IGSF3: variants seen among roughly 807,000 people sequenced by gnomAD.
IGSF3 encodes the protein glu-Trp-Ile EWI motif-containing protein 3.
A neutral mutation model predicts 114.4 loss-of-function variants in IGSF3; 23 were observed. The observed-to-expected ratio is 0.20, with a 90% CI of 0.14 to 0.28. IGSF3 has a LOEUF of 0.28. IGSF3 is among the 10% of genes least tolerant of loss of function. The pLI, the probability that IGSF3 is intolerant of heterozygous loss-of-function variation, is 1.00. For synonymous variants in IGSF3, 571 were observed against 645.2 expected (o/e 0.88, Z 1.74); for missense variants, 1,172 against 1,591.5 (o/e 0.74, Z 4.48).
intron 5 of IGSF3, among the ~76,000 whole-genome samples, chr1:116,604,552 A>C (rs1447900403): frequency 2.6e-5 from 4 of 152,246 alleles, no homozygotes; most frequent in Non-Finnish European, 4.4e-5. Flanking sequence ...AAGTATTGGG[A>C]CGATAACGTG....
At chr1:116,623,794 T>C (rs1487778515) in intron 2 of IGSF3, among the ~76,000 whole-genome samples, 1 of 147,656 alleles carries the variant, frequency 6.8e-6, no homozygotes, top group Non-Finnish European at 1.5e-5. Context: ...TCATCAAAAA[T>C]GTCCCTTGAG....
In IGSF3 at chr1:116,577,509, A is replaced by C. The variant is rs371781975; in HGVS notation, c.3388T>G (p.Phe1130Val). The C allele has an allele frequency of 5.0e-5, 80 of 1,614,032 alleles. No individual in the cohort carries two copies. The highest frequency in any genetic ancestry group is 1.3e-4 in the Admixed American group (8 of 60,006). Residue 1130 changes from phenylalanine to valine, a missense_variant, in exon 11 of 11, where the codon TTC becomes GTC. Phe to Val is a conservative substitution (Grantham distance 50, BLOSUM62 -1). Around this residue, in one of 3 missense-constraint regions of IGSF3, gnomAD observed 423 missense variants for 509.8 expected, o/e 0.83. Transcript: ENST00000369486. The surrounding 1 kb of genome is among the most constrained non-coding windows in gnomAD (Gnocchi z 5.7). ...CSNDALFYFV[F>V]FYPFPIFGIL... ...CCAAAGATGGGGAAAGGGTAGAAGAAGACGAAGTAGAAGAGTGCGTCGTTG... is the reference window on the plus strand; with the variant it reads ...CCAAAGATGGGGAAAGGGTAGAAGACGACGAAGTAGAAGAGTGCGTCGTTG...
At chr1:116,590,858 T>C (rs1477376473) in intron 7 of IGSF3, among the ~76,000 whole-genome samples, 1 of 152,082 alleles carries the variant, frequency 6.6e-6, no homozygotes, top group African/African-American at 2.4e-5. Context: ...GATGGAAGGA[T>C]TTAGCAAGCC....
chr1:116,598,402 A>T lies in IGSF3; in HGVS notation c.2029+1539T>A, dbSNP rs1238951936. Among the ~76,000 whole-genome samples, 1 of 152,230 alleles carries T rather than the reference A, an allele frequency of 6.6e-6. No homozygotes were observed. The highest frequency in any genetic ancestry group is 1.5e-5 in the Non-Finnish European group (1 of 68,040). ...CATTAACCTGAAAATCCATTTAAGC[A>T]AAACAGCCTCTTCCCTGAGCCTCTT... On this transcript the variant is annotated intron_variant, in intron 7 of 10. Coordinates refer to ENST00000369486, the MANE Select transcript of IGSF3 (RefSeq NM_001007237.3). This position sits in a 1 kb window ranked among gnomAD's most constrained non-coding sequence, Gnocchi z 4.3.
chr1:116,648,218 A>G lies in IGSF3; in HGVS notation c.43+18066T>C, dbSNP rs1440258024. 2.0e-5 allele frequency among the ~76,000 whole-genome samples: 3 copies of G among 152,350 alleles called. No individual in the cohort carries two copies. In the East Asian group the frequency reaches 5.8e-4, roughly 29 times the overall value. ...GGAAAAATAAGAATGTCAACTCTCC[A>G]TTCAACAGAGAAACAGTGCCACCAC... On this transcript the variant is annotated intron_variant, in intron 2 of 10. Transcript: ENST00000369486. This position sits in a 1 kb window ranked among gnomAD's most constrained non-coding sequence, Gnocchi z 4.7.
intron 5 of IGSF3, among the ~76,000 whole-genome samples, chr1:116,606,977 G>A (rs1027712739): frequency 2.6e-5 from 4 of 152,116 alleles, no homozygotes; most frequent in Admixed American, 6.5e-5. Flanking sequence ...CAAGAGGACC[G>A]CTGTGGCTAC....
rs1454476430 is a variant in IGSF3 at position 116,655,367 on chromosome 1, C to T, written c.43+10917G>A. Among the ~76,000 whole-genome samples, 2 of 152,272 alleles carry T rather than the reference C, an allele frequency of 1.3e-5. No homozygotes were observed. The highest frequency in any genetic ancestry group is 3.9e-4 in the East Asian group (2 of 5,190). On this transcript the variant is annotated intron_variant, in intron 2 of 10. Coordinates refer to ENST00000369486, the MANE Select transcript of IGSF3 (RefSeq NM_001007237.3). The surrounding 1 kb of genome is among the most constrained non-coding windows in gnomAD (Gnocchi z 4.3). ...AAGGGATGACTATGACACATGAATC[C>T]CACAGCCATCTCTCCAAAAGAACAA...
intron 2 of IGSF3, among the ~76,000 whole-genome samples, chr1:116,645,396 G>A (rs1648319123): frequency 6.6e-6 from 1 of 152,214 alleles, no homozygotes; most frequent in Non-Finnish European, 1.5e-5. Flanking sequence ...GAACTTTTTG[G>A]GGACAGAGGA....
At chr1:116,586,018 G>A (rs76966470) in intron 8 of IGSF3, among the ~76,000 whole-genome samples, 5,599 of 152,298 alleles carry the variant, frequency 0.037, 319 homozygotes, top group African/African-American at 0.12. Flanking sequence ...CCGATGGCAT[G>A]CTTGTAATTT....
rs570119120 is a variant in IGSF3 at position 116,585,892 on chromosome 1, A to AAAAAAG, written c.2441-846_2441-841dup. On this transcript the variant is annotated intron_variant, in intron 8 of 10. Coordinates refer to ENST00000369486, the MANE Select transcript of IGSF3 (RefSeq NM_001007237.3). The surrounding 1 kb of genome is among the most constrained non-coding windows in gnomAD (Gnocchi z 4.9). ...GTGCAACAGAGTGAGACTGTCTCAA[A>AAAAAAG]AAAAAGAAAAAGAAAAAGAAAAAGA... 9.9e-5 allele frequency among the ~76,000 whole-genome samples: 15 copies of AAAAAAG among 152,252 alleles called. No homozygotes were observed. Among genetic ancestry groups the AAAAAAG allele is most frequent in the East Asian group, 5.8e-4 (3 of 5,202 alleles).
At chr1:116,590,124 C>T (rs971771236) in intron 7 of IGSF3, among the ~76,000 whole-genome samples, 5 of 152,022 alleles carry the variant, frequency 3.3e-5, no homozygotes, top group African/African-American at 7.3e-5. Flanking sequence ...CAGTAAACCA[C>T]GGGACAAGGC....
chr1:116,664,641 C>T lies in IGSF3; in HGVS notation c.43+1643G>A, dbSNP rs189488709. Among the ~76,000 whole-genome samples the T allele has an allele frequency of 3.8e-4, 58 of 152,304 alleles. No individual in the cohort carries two copies. Among genetic ancestry groups the T allele is most frequent in the African/African-American group, 1.3e-3 (56 of 41,562 alleles). The stretch of plus-strand genomic sequence containing the variant: ...CACTAAGCGAATGACACATACAGTA[C>T]AACAAATACAGATCCAATATGAAGA... On this transcript the variant is annotated intron_variant, in intron 2 of 10. Coordinates refer to ENST00000369486, the MANE Select transcript of IGSF3 (RefSeq NM_001007237.3). This position sits in a 1 kb window ranked among gnomAD's most constrained non-coding sequence, Gnocchi z 4.6.
At position 116,600,806 on chromosome 1, in the gene IGSF3, G is replaced by A. The variant is rs971868874; in HGVS notation, c.1625-461C>T. Among the ~76,000 whole-genome samples, 25 of 152,106 alleles carry A rather than the reference G, an allele frequency of 1.6e-4. No individual in the cohort carries two copies. The highest frequency in any genetic ancestry group is 1.4e-4 in the African/African-American group (6 of 41,410). Reference sequence around the variant, plus strand: ...CCTGGTCCCTTAGCGCACTGGTGCCGAGAAGGGAAGCAGATGGAGTCGGCC... The same window carrying A: ...CCTGGTCCCTTAGCGCACTGGTGCCAAGAAGGGAAGCAGATGGAGTCGGCC... On this transcript the variant is annotated intron_variant, in intron 6 of 10. Coordinates refer to ENST00000369486, the MANE Select transcript of IGSF3 (RefSeq NM_001007237.3). The surrounding 1 kb of genome is among the most constrained non-coding windows in gnomAD (Gnocchi z 5.5).
chr1:116,623,225 A>T (rs1661474462), intron 2 of IGSF3, among the ~76,000 whole-genome samples: 1 of 152,246 alleles, frequency 6.6e-6, no homozygotes. Flanking sequence ...AAGGACAGCC[A>T]GCACTTACTG....
chr1:116,609,858 G>A (rs1250300069), intron 4 of IGSF3, among the ~76,000 whole-genome samples: 2 of 151,986 alleles, frequency 1.3e-5, no homozygotes, highest in Non-Finnish European at 2.9e-5. Context: ...TTCTTTTCCA[G>A]CCCCAGCTCA....
chr1:116,653,375 T>TA (rs1368283150), intron 2 of IGSF3, among the ~76,000 whole-genome samples: 2 of 152,210 alleles, frequency 1.3e-5, no homozygotes, highest in Non-Finnish European at 2.9e-5. Flanking sequence ...AGTTCTGATA[T>TA]ATTCACCATA....
intron 8 of IGSF3, among the ~76,000 whole-genome samples, chr1:116,586,988 G>A (rs1320980952): frequency 1.3e-5 from 2 of 152,050 alleles, no homozygotes; most frequent in Admixed American, 1.3e-4. Context: ...AAATGCCACC[G>A]AGAGGCCAGT....
Position 116,613,698 on chromosome 1 carries a change from T to C in IGSF3, c.832+67A>G, listed in dbSNP as rs1261084190. On this transcript the variant is annotated intron_variant, in intron 4 of 10. Transcript: ENST00000369486. ...GGTGCCCAAAGAAGGAGTCTCCACA[T>C]TCTCCCAGTATCTGACAGCCTTCAC... is the stretch of plus-strand genomic sequence containing the variant. The C allele has an allele frequency of 1.5e-5, 22 of 1,464,516 alleles. No individual in the cohort carries two copies. The East Asian group carries it at 5.0e-4, about 34-fold the overall frequency. 90.7% of individuals were successfully genotyped at this position (1,464,516 alleles called of 1,614,324 possible).
intron 2 of IGSF3, among the ~76,000 whole-genome samples, chr1:116,643,706 C>A (rs917092745): frequency 2.6e-5 from 4 of 152,200 alleles, no homozygotes; most frequent in African/African-American, 9.7e-5. Context: ...TCTACGGGCA[C>A]GTCTTGTGTT....
Sources: gnomAD v4.1 joint callset for allele counts (sites outside exome capture counted in the v4.1 genomes callset) on GRCh38, gnomAD v4.1.1 for gene constraint, gnomAD v4.1.1 regional missense constraint, Gnocchi (gnomAD v3.1) non-coding constraint, MANE v1.5 for transcripts, NCBI Gene and HGNC (gene_info 2026-07-23, HGNC 2026-07-21) for gene names.